Variants in ATRN observed in about 807,000 individuals in gnomAD.
The protein encoded by ATRN is attractin, also known as attractin-2.
A neutral mutation model predicts 178.7 loss-of-function variants in ATRN; 54 were observed. The observed-to-expected ratio is 0.30, with a 90% confidence interval of 0.24 to 0.38. The LOEUF (loss-of-function observed/expected upper bound fraction) is 0.38. ATRN is among the 10% of genes least tolerant of loss of function. The pLI, the probability that ATRN is intolerant of heterozygous loss-of-function variation, is 1.00. For synonymous variants in ATRN, 636 were observed against 663.0 expected (o/e 0.96, Z 0.63); for missense variants, 1,443 against 1,815.1 (o/e 0.79, Z 3.73).
rs767008071 is a variant in ATRN, at chr20:3,597,902, A to G, written c.3470-4A>G. The stretch of plus-strand genomic sequence containing the variant: ...TTTAAATATGCATTTCTTTCTTTCC[A>G]TAGATACTCTTCTTATTGACTATCA... On this transcript the variant is annotated splice_region_variant and splice_polypyrimidine_tract_variant and intron_variant, in intron 21 of 28. Transcript: ENST00000262919. 3 of 1,567,458 alleles carry G rather than the reference A, an allele frequency of 1.9e-6. No individual in the cohort carries two copies. The highest frequency in any genetic ancestry group is 1.7e-5 in the Admixed American group (1 of 59,340).
rs888815206 is a variant in ATRN, at chr20:3,531,761, T to C, written c.411-3492T>C. Among the ~76,000 whole-genome samples, 6 of 152,230 alleles carry C rather than the reference T, an allele frequency of 3.9e-5. No individual in the cohort carries two copies. In the South Asian group the frequency reaches 1.2e-3, roughly 32 times the overall value. On this transcript the variant is annotated intron_variant, in intron 1 of 28. Coordinates refer to ENST00000262919, the MANE Select transcript of ATRN (RefSeq NM_139321.3). ...GTAGGTGGTTAAATGTTTACCTTGG[T>C]CAAGGGTGGGTCAGAGTAACTGGGG...
intron 1 of ATRN, among the ~76,000 whole-genome samples, chr20:3,523,431 C>T (rs111773686): frequency 6.6e-6 from 1 of 152,086 alleles, no homozygotes; most frequent in African/African-American, 2.4e-5. Flanking sequence ...AAGACCAAAC[C>T]TGCGTTTGAT....
At chr20:3,521,225 A>G (rs1446425480) in intron 1 of ATRN, among the ~76,000 whole-genome samples, 3 of 152,198 alleles carry the variant, frequency 2.0e-5, no homozygotes, top group Admixed American at 6.5e-5. Flanking sequence ...GGTGTATGCA[A>G]AGTATTAGGT....
chr20:3,514,312 G>A (rs2085177549), intron 1 of ATRN, among the ~76,000 whole-genome samples: 1 of 152,178 alleles, frequency 6.6e-6, no homozygotes, highest in Admixed American at 6.5e-5. Flanking sequence ...TTTCACCAAT[G>A]TTACAGACTC....
chr20:3,521,437 A>G (rs2085295034), intron 1 of ATRN, among the ~76,000 whole-genome samples: 1 of 152,240 alleles, frequency 6.6e-6, no homozygotes, highest in Non-Finnish European at 1.5e-5. Context: ...AAATTCTTCA[A>G]GAAGACAGAA....
chr20:3,596,274 C>A, intron 20 of ATRN, 103 bp from the exon 21 acceptor site: 1 of 1,215,480 alleles, frequency 8.2e-7, no homozygotes, highest in South Asian at 1.3e-5. Context: ...ATTATAATGG[C>A]TCCAGACTAT....
intron 1 of ATRN, among the ~76,000 whole-genome samples, chr20:3,512,107 A>ATATATTTTTTTTTTTT: frequency 9.4e-6 from 1 of 106,392 alleles, no homozygotes; most frequent in African/African-American, 4.4e-5. Context: ...ATATATATAT[A>ATATATTTTTTTTTTTT]TTTTTTTTTT....
chr20:3,519,006 T>TAAAAAAAAA (rs577864057), intron 1 of ATRN, among the ~76,000 whole-genome samples: 12 of 119,474 alleles, frequency 1.0e-4, no homozygotes, highest in African/African-American at 2.4e-4. Flanking sequence ...TCCTTATATA[T>TAAAAAAAAA]AAAAAAAAAA....
chr20:3,528,861 G>C (rs2085411112), intron 1 of ATRN, among the ~76,000 whole-genome samples: 1 of 152,094 alleles, frequency 6.6e-6, no homozygotes, highest in Non-Finnish European at 1.5e-5. Context: ...CATCCAAGCT[G>C]CAGTACAGTG....
chr20:3,524,832 GAAAT>G (rs2085342843), intron 1 of ATRN, among the ~76,000 whole-genome samples: 2 of 152,134 alleles, frequency 1.3e-5, no homozygotes, highest in African/African-American at 4.8e-5. Flanking sequence ...AATTAAGGCA[GAAAT>G]AAATAAGTTC....
chr20:3,638,921 G>A lies in ATRN; in HGVS notation c.4036G>A (p.Gly1346Arg), dbSNP rs1352906692. ...ETDEEPPDLIGGSIKTVPKPI... is the reference protein window; with the variant it reads ...ETDEEPPDLIRGSIKTVPKPI... Reference sequence around the variant, plus strand: ...AGATGAGGAGCCTCCTGATCTTATTGGGGGGAGTATAAAGGTGAGAATGTG... The same window carrying A: ...AGATGAGGAGCCTCCTGATCTTATTAGGGGGAGTATAAAGGTGAGAATGTG... The change falls in exon 27 of 29, where the codon GGG becomes AGG. Residue 1346 changes from glycine to arginine, a missense_variant. This residue lies in a region of ATRN where 289 missense variants were observed against 440.8 expected (regional missense o/e 0.66). Transcript: ENST00000262919. The surrounding 1 kb of genome is among the most constrained non-coding windows in gnomAD (Gnocchi z 4.5). The A allele has an allele frequency of 6.2e-7, 1 of 1,613,236 alleles. No individual in the cohort carries two copies. The highest frequency in any genetic ancestry group is 8.5e-7 in the Non-Finnish European group (1 of 1,179,438).
chr20:3,594,097 C>T (rs2086489743), intron 19 of ATRN, among the ~76,000 whole-genome samples: 1 of 152,102 alleles, frequency 6.6e-6, no homozygotes, highest in Admixed American at 6.5e-5. Flanking sequence ...GAGCACCTCC[C>T]TAGGGGCAGC....
chr20:3,513,255 G>A (rs1162672001), intron 1 of ATRN, among the ~76,000 whole-genome samples: 1 of 152,150 alleles, frequency 6.6e-6, no homozygotes, highest in Non-Finnish European at 1.5e-5. Flanking sequence ...TAACATTTAA[G>A]TCTTTAATCC....
In ATRN at chr20:3,575,264, G is replaced by A. The variant is rs559043945; in HGVS notation, c.2093-563G>A. 5.9e-5 allele frequency among the ~76,000 whole-genome samples: 9 copies of A among 152,306 alleles called. No homozygotes were observed. The South Asian group carries it at 1.7e-3, about 28-fold the overall frequency. ...GGCATGAGCCACCGCATCCGGCCAT[G>A]CAGCTTCTCTTTTCTAGAGTTAACA... On this transcript the variant is annotated intron_variant, in intron 12 of 28. Coordinates refer to ENST00000262919, the MANE Select transcript of ATRN (RefSeq NM_139321.3).
intron 1 of ATRN, chr20:3,490,015 G>T: frequency 1.0e-6 from 1 of 1,004,774 alleles, no homozygotes; most frequent in Non-Finnish European, 1.6e-6. Context: ...AGATGTTGCT[G>T]TTCCCTGAGA....
chr20:3,516,538 T>C (rs2085208587), intron 1 of ATRN, among the ~76,000 whole-genome samples: 1 of 152,120 alleles, frequency 6.6e-6, no homozygotes, highest in Non-Finnish European at 1.5e-5. Context: ...ATTAGTAAAA[T>C]AAGTAGTTGG....
Position 3,584,829 on chromosome 20 carries a change from A to G in ATRN, c.3133A>G (p.Ser1045Gly), listed in dbSNP as rs2086334739. Residue 1045 changes from serine (S) to glycine (G), a missense_variant, in exon 18 of 29, where the codon AGC becomes GGC. Around this residue, in one of 4 missense-constraint regions of ATRN, gnomAD observed 80 missense variants for 71.5 expected, o/e 1.12. Transcript: ENST00000262919. ...NFYPQPLLNS[S>G]MCLEDSRYNW... ...CTATCCACAGCCCCTGCTCAATTCC[A>G]GCATGTGTCTAGAGGACAGCAGATA... is the stretch of plus-strand genomic sequence containing the variant. 1 of 1,614,110 alleles carries G rather than the reference A, an allele frequency of 6.2e-7. No individual in the cohort carries two copies. Among genetic ancestry groups the G allele is most frequent in the South Asian group, 1.1e-5 (1 of 91,086 alleles).
At chr20:3,531,600 C>G (rs1246874028) in intron 1 of ATRN, among the ~76,000 whole-genome samples, 3 of 152,130 alleles carry the variant, frequency 2.0e-5, no homozygotes, top group Non-Finnish European at 4.4e-5. Flanking sequence ...TGAGAAATTT[C>G]CGTAAGGTTT....
chr20:3,646,660 T>C, intron 28 of ATRN, 63 bp from the exon 29 acceptor site: 1 of 1,483,214 alleles, frequency 6.7e-7, no homozygotes, highest in Non-Finnish European at 9.0e-7. Context: ...GTTTAAATTA[T>C]TTTTTAAAAC....
Sources: allele counts gnomAD v4.1 joint callset (sites outside exome capture counted in the v4.1 genomes callset), GRCh38; gene constraint gnomAD v4.1.1; regional missense constraint gnomAD v4.1.1; non-coding constraint Gnocchi (gnomAD v3.1); transcripts MANE v1.5; gene names NCBI Gene and HGNC (gene_info 2026-07-23, HGNC 2026-07-21).